Variants in CNTRL observed in about 807,000 individuals in gnomAD.
CNTRL encodes the protein 110 kDa centrosomal protein.
A neutral mutation model predicts 303.7 loss-of-function variants in CNTRL; 233 were observed. The ratio of observed to expected loss-of-function variants is 0.77; its 90% confidence interval spans 0.69 to 0.86. The LOEUF is 0.86. CNTRL is among the 40% of genes least tolerant of loss of function. The pLI is 0.00. For missense variants in CNTRL, 2,524 were observed against 2,650.6 expected (o/e 0.95, Z 1.05); for synonymous variants, 900 against 922.2 (o/e 0.98, Z 0.44).
In CNTRL at chr9:121,160,293, C is replaced by A; in HGVS notation, c.5080C>A (p.His1694Asn). 2.0e-6 allele frequency: 3 copies of A among 1,512,982 alleles called. No homozygotes were observed. Among genetic ancestry groups the A allele is most frequent in the South Asian group, 1.4e-5 (1 of 72,246 alleles). The allele number at this position is 1,512,982 out of a possible 1,614,324, so 93.7% of individuals were successfully genotyped here. The change falls in exon 32 of 44, where the codon CAT (histidine) becomes AAT (asparagine). Residue 1694 changes from histidine to asparagine, a missense_variant. Transcript: ENST00000373855. ...GGTTGTTTTAAGGCAGATGTCTAAA[C>A]ATAAAACCGGTAAGTTTAAAGGAAA... ...LQVVLRQMSK[H>N]KTELKNILDM... is the part of the protein sequence containing the mutation.
chr9:121,142,504 G>T (rs7860161), intron 19 of CNTRL, among the ~76,000 whole-genome samples: 262 of 152,350 alleles, frequency 1.7e-3, no homozygotes, highest in African/African-American at 5.9e-3. Context: ...TGACTTTCAA[G>T]TTAATTAGGT....
At chr9:121,148,415 C>T (rs1351443746) in intron 23 of CNTRL, among the ~76,000 whole-genome samples, 1 of 152,184 alleles carries the variant, frequency 6.6e-6, no homozygotes, top group Admixed American at 6.5e-5. Flanking sequence ...CCCACATAGC[C>T]CTCCTTTCTG....
chr9:121,144,179 T>G, intron 20 of CNTRL, 97 bp downstream of exon 20: 4 of 1,055,368 alleles, frequency 3.8e-6, no homozygotes, highest in Non-Finnish European at 5.4e-6. Flanking sequence ...CATTGGTTAT[T>G]TTATAAACCA....
intron 7 of CNTRL, among the ~76,000 whole-genome samples, chr9:121,105,137 A>G (rs933209376): frequency 1.3e-5 from 2 of 152,214 alleles, no homozygotes; most frequent in Admixed American, 6.5e-5. Flanking sequence ...GCTGGAGTCT[A>G]TGCCATACCA....
At chr9:121,147,316 C>T (rs2051927822) in intron 23 of CNTRL, among the ~76,000 whole-genome samples, 2 of 152,164 alleles carry the variant, frequency 1.3e-5, no homozygotes, top group East Asian at 1.9e-4. Flanking sequence ...TGGAGTCATG[C>T]TTTTTTAAAA....
chr9:121,166,138 G>C lies in CNTRL; in HGVS notation c.5613G>C (p.Glu1871Asp), dbSNP rs750297404. Residue 1871 changes from glutamate (E) to aspartate (D), a missense_variant, in exon 36 of 44, where the codon GAG becomes GAC. By Grantham distance (45) the Glu-to-Asp change is conservative. Transcript: ENST00000373855. ...EKREAVNSLQ[E>D]ELANVQDHLN... ...GAGAAGCAGTAAACTCACTGCAGGAGGAACTAGCTAATGTCCAAGACCATT... is the reference window on the plus strand; with the variant it reads ...GAGAAGCAGTAAACTCACTGCAGGACGAACTAGCTAATGTCCAAGACCATT... 1 of 1,611,656 alleles carries C rather than the reference G, an allele frequency of 6.2e-7. No individual in the cohort carries two copies. The highest frequency in any genetic ancestry group is 1.3e-5 in the African/African-American group (1 of 74,864).
chr9:121,154,129 G>A (rs554221091), intron 26 of CNTRL, among the ~76,000 whole-genome samples: 1 of 152,318 alleles, frequency 6.6e-6, no homozygotes, highest in East Asian at 1.9e-4. Flanking sequence ...TTCATTTAAA[G>A]ATAATCTGTT....
chr9:121,118,281 C>T, intron 11 of CNTRL, 65 bp from the exon 12 acceptor site: 1 of 1,226,098 alleles, frequency 8.2e-7, no homozygotes. Context: ...AAATTATAGA[C>T]ATTGTCTTAA....
At chr9:121,086,613 AT>A (rs1330541610) in intron 2 of CNTRL, among the ~76,000 whole-genome samples, 1 of 148,428 alleles carries the variant, frequency 6.7e-6, no homozygotes, top group Non-Finnish European at 1.5e-5. Flanking sequence ...GATTTCCTTC[AT>A]TACAGACTGC....
chr9:121,099,135 C>A (rs1032707288), intron 7 of CNTRL, among the ~76,000 whole-genome samples: 9 of 152,170 alleles, frequency 5.9e-5, no homozygotes, highest in African/African-American at 2.2e-4. Context: ...GTCCCTGACC[C>A]CCGAGTAGCC....
chr9:121,104,471 A>G (rs2049353605), intron 7 of CNTRL, among the ~76,000 whole-genome samples: 1 of 152,216 alleles, frequency 6.6e-6, no homozygotes, highest in African/African-American at 2.4e-5. Context: ...ACGTGTATAC[A>G]TATGTAACCT....
At chr9:121,139,783 G>A (rs79207953) in intron 16 of CNTRL, among the ~76,000 whole-genome samples, 2,969 of 152,208 alleles carry the variant, frequency 0.02, 83 homozygotes, top group African/African-American at 0.068. Flanking sequence ...TTTGTTGCTG[G>A]AATATTTTAA....
At chr9:121,128,254 CCCA>C (rs1588182299) in intron 14 of CNTRL, among the ~76,000 whole-genome samples, 1 of 152,186 alleles carries the variant, frequency 6.6e-6, no homozygotes, top group Non-Finnish European at 1.5e-5. Context: ...AGTTTACACT[CCCA>C]CCAACAGTGT....
At position 121,090,322 on chromosome 9, in the gene CNTRL, A is replaced by G. The variant is rs370010588; in HGVS notation, c.265A>G (p.Lys89Glu). 32 of 1,612,338 alleles carry G rather than the reference A, an allele frequency of 2.0e-5. No homozygotes were observed. Among genetic ancestry groups the G allele is most frequent in the Non-Finnish European group, 2.2e-5 (26 of 1,179,084 alleles). The stretch of plus-strand genomic sequence containing the variant: ...TAGATATATTACAGAGGCCCTCATT[A>G]AAAAACTTACTAAACAGGATAATTT... The part of the protein sequence containing the change: ...GVRYITEALI[K>E]KLTKQDNLAL... The change falls in exon 4 of 44, where the codon AAA becomes GAA. Residue 89 changes from lysine (K) to glutamate (E), a missense_variant. Coordinates refer to ENST00000373855, the MANE Select transcript of CNTRL (RefSeq NM_007018.6).
intron 30 of CNTRL, 141 bp from the exon 31 acceptor site, chr9:121,158,714 G>A: frequency 1.3e-6 from 1 of 750,840 alleles, no homozygotes. Context: ...TTTCACCCTT[G>A]CACTCCTTGC....
intron 43 of CNTRL, 55 bp downstream of exon 43, chr9:121,175,279 T>C (rs757955565): frequency 3.1e-5 from 48 of 1,534,156 alleles, no homozygotes; most frequent in Admixed American, 2.4e-4. Context: ...GTTTTTTGTC[T>C]TTTTTGAGAC....
chr9:121,109,943 A>G (rs576738645), intron 8 of CNTRL, among the ~76,000 whole-genome samples: 4 of 152,256 alleles, frequency 2.6e-5, no homozygotes, highest in African/African-American at 7.2e-5. Context: ...CCCAAGGACT[A>G]TTAGATGCCT....
chr9:121,109,292 T>G (rs1181696400), intron 8 of CNTRL, among the ~76,000 whole-genome samples: 1 of 152,184 alleles, frequency 6.6e-6, no homozygotes, highest in African/African-American at 2.4e-5. Flanking sequence ...AAAAAAATAT[T>G]TTTAATCCGT....
At chr9:121,083,955 C>T (rs1182279608) in intron 2 of CNTRL, among the ~76,000 whole-genome samples, 1 of 152,190 alleles carries the variant, frequency 6.6e-6, no homozygotes, top group Non-Finnish European at 1.5e-5. Context: ...CACAATATCA[C>T]ATATATGAAG....
Sources: allele counts gnomAD v4.1 joint callset (sites outside exome capture counted in the v4.1 genomes callset), GRCh38; gene constraint gnomAD v4.1.1; transcripts MANE v1.5; gene names NCBI Gene and HGNC (gene_info 2026-07-23, HGNC 2026-07-21).